Variants in WDR62 observed in about 807,000 individuals in gnomAD.
WDR62 encodes the protein WD repeat domain 62, also known as WD repeat-containing protein 62.
A neutral mutation model predicts 160.6 loss-of-function variants in WDR62; 112 were observed. That is an observed-to-expected ratio of 0.70 (90% CI 0.60 to 0.82). The LOEUF is 0.82. Ranked by LOEUF, WDR62 falls within the 40% of genes least tolerant of loss-of-function variation. The probability of loss-of-function intolerance (pLI) is 0.00; values close to 1 mark genes in which losing one functional copy is unlikely to be tolerated. For synonymous variants in WDR62, 792 were observed against 815.1 expected, an observed-to-expected ratio of 0.97 and a Z score of 0.48; for missense variants, 1,819 against 1,983.8, an observed-to-expected ratio of 0.92 and a Z score of 1.58.
At chr19:36,068,628 A>G (rs568854032) in intron 7 of WDR62, among the ~76,000 whole-genome samples, 1 of 152,328 alleles carries the variant, frequency 6.6e-6, no homozygotes, top group East Asian at 1.9e-4. Context: ...AATGCATTTA[A>G]CCCTGAATGG....
At chr19:36,072,255 G>A (rs1348504015) in intron 8 of WDR62, among the ~76,000 whole-genome samples, 1 of 152,238 alleles carries the variant, frequency 6.6e-6, no homozygotes, top group Non-Finnish European at 1.5e-5. Flanking sequence ...GGTGCCTGGT[G>A]AGAAGGAGCT....
intron 9 of WDR62, among the ~76,000 whole-genome samples, chr19:36,077,637 C>T (rs1326936809): frequency 4.0e-5 from 6 of 149,082 alleles, no homozygotes; most frequent in Admixed American, 1.4e-4. Context: ...CGCTTTGTCA[C>T]CCAGACTGGA....
Position 36,092,803 on chromosome 19 carries a change from C to T in WDR62, c.2325C>T (p.Gly775=), listed in dbSNP as rs1426379174. 6.2e-7 allele frequency: 1 copy of T among 1,613,860 alleles called. No individual in the cohort carries two copies. The highest frequency in any genetic ancestry group is 8.5e-7 in the Non-Finnish European group (1 of 1,179,952). Reference sequence around the variant, plus strand: ...ACACAAATGACAAGAAGCGGAGTGGCCACCCCAGGTCCTGGCAGCCCCTGC... The same window carrying T: ...ACACAAATGACAAGAAGCGGAGTGGTCACCCCAGGTCCTGGCAGCCCCTGC... ...QQHTNDKKRS[G]HPRQDTYVST... is the part of the protein sequence containing the mutation. The change falls in exon 19 of 32, where the codon GGC becomes GGT. Residue 775 remains glycine (G), a synonymous_variant. Transcript: ENST00000401500.
the WDR62 span, among the ~76,000 whole-genome samples, chr19:36,110,854 C>T: frequency 7.2e-5 from 11 of 152,072 alleles, no homozygotes; most frequent in African/African-American, 2.4e-4. Flanking sequence ...GCAAACAGAC[C>T]CTCAACCCCT....
chr19:36,095,789 G>A (rs574568673), intron 20 of WDR62, among the ~76,000 whole-genome samples: 14 of 152,334 alleles, frequency 9.2e-5, no homozygotes, highest in African/African-American at 2.9e-4. Flanking sequence ...GCAAGACTCC[G>A]TCTCAAAAAA....
intron 20 of WDR62, 114 bp from the exon 21 acceptor site, chr19:36,096,913 T>G: frequency 1.2e-5 from 11 of 922,958 alleles, no homozygotes; most frequent in East Asian, 2.6e-5. Context: ...CCGGTGCTGT[T>G]GAGCCTTCTG....
Position 36,091,244 on chromosome 19 carries a change from T to C in WDR62, c.2079T>C (p.Ser693=), listed in dbSNP as rs1376445557. ...PSGTFLATSC[S]DKSISVIDFY... ...GCACCTTCCTGGCCACCAGCTGCTC[T>C]GACAAAAGCATCTCAGTGATTGACT... is the stretch of plus-strand genomic sequence containing the variant. Residue 693 remains serine (S), a synonymous_variant, in exon 17 of 32, where the codon TCT becomes TCC. Transcript: ENST00000401500. 6.2e-7 allele frequency: 1 copy of C among 1,613,272 alleles called. No homozygotes were observed.
chr19:36,074,053 C>G, intron 9 of WDR62: 1 of 291,680 alleles, frequency 3.4e-6, no homozygotes, highest in African/African-American at 2.2e-5. Context: ...AATCCCAACA[C>G]TTTGGGAATC....
intron 18 of WDR62, 49 bp downstream of exon 18, chr19:36,091,514 T>A (rs772775890): frequency 6.4e-7 from 1 of 1,550,500 alleles, no homozygotes; most frequent in South Asian, 1.1e-5. Flanking sequence ...CCATGAGCAC[T>A]GCACTCAGCC....
At chr19:36,106,203 A>G (rs1240047016), downstream of WDR62, among the ~76,000 whole-genome samples, 5 of 152,008 alleles carry the variant, frequency 3.3e-5, no homozygotes, top group Admixed American at 6.6e-5. Flanking sequence ...GGTGTCTGCT[A>G]AAAAAGCCAC....
chr19:36,065,958 G>A lies in WDR62; in HGVS notation c.333G>A (p.Arg111=). ...GATCAGCTCTTTTCTTTATCCCCAG[G>A]AAGTCTCTCAGTGCTCTGGCCTTCT... is the stretch of plus-strand genomic sequence containing the variant. The part of the protein sequence containing the change: ...NKQQHIFNTA[R]KSLSALAFSP... The change falls in exon 4 of 32, where the codon AGG becomes AGA. Residue 111 remains arginine (R), a splice_region_variant and synonymous_variant. Transcript: ENST00000401500. The A allele has an allele frequency of 6.2e-7, 1 of 1,614,196 alleles. No homozygotes were observed. The highest frequency in any genetic ancestry group is 8.5e-7 in the Non-Finnish European group (1 of 1,180,036).
At chr19:36,055,369 G>T (rs956113613) in intron 1 of WDR62, among the ~76,000 whole-genome samples, 2 of 152,170 alleles carry the variant, frequency 1.3e-5, no homozygotes, top group African/African-American at 4.8e-5. Context: ...CAATTCGGGG[G>T]TTCCTCGCTG....
At chr19:36,076,740 CT>C (rs1231708511) in intron 9 of WDR62, among the ~76,000 whole-genome samples, 2 of 152,046 alleles carry the variant, frequency 1.3e-5, no homozygotes, top group Admixed American at 6.6e-5. Context: ...AACTCATTTG[CT>C]TTTTCCCACA....
In WDR62 at chr19:36,102,140, C is replaced by T. The variant is rs773422974; in HGVS notation, c.3209C>T (p.Ser1070Phe). The change falls in exon 26 of 32, where the codon TCC becomes TTC. Residue 1070 changes from serine to phenylalanine, a missense_variant. Transcript: ENST00000401500. ...CACCACTTTGAGACACTGACTGAGT[C>T]CCCCTGCAGAGGTAGGGCCCTGCCT... Reference protein sequence around the residue: ...LRHHFETLTESPCRELFPAAL... With the variant: ...LRHHFETLTEFPCRELFPAAL... 9 of 1,613,876 alleles carry T rather than the reference C, an allele frequency of 5.6e-6. No individual in the cohort carries two copies. The highest frequency in any genetic ancestry group is 2.2e-5 in the South Asian group (2 of 91,086).
At position 36,103,570 on chromosome 19, in the gene WDR62, C is replaced by G. The variant is rs1435115813; in HGVS notation, c.3742C>G (p.Pro1248Ala). ...CCCTATCGTGGCCACACTGGCCCAG[C>G]CCCTCCGTAGGCCATCGTCCGTTGG... is the stretch of plus-strand genomic sequence containing the variant. ...EGPIVATLAQ[P>A]LRRPSSVGEL... Residue 1248 changes from proline (P) to alanine (A), a missense_variant, in exon 30 of 32, where the codon CCC (proline) becomes GCC (alanine). This residue lies in a region of WDR62 where 770 missense variants were observed against 734.2 expected (regional missense o/e 1.05). Coordinates refer to ENST00000401500, the MANE Select transcript of WDR62 (RefSeq NM_001083961.2). The G allele has an allele frequency of 6.2e-7, 1 of 1,613,894 alleles. No homozygotes were observed. The highest frequency in any genetic ancestry group is 1.7e-5 in the Admixed American group (1 of 60,026).
chr19:36,091,442 C>A lies in WDR62; in HGVS notation c.2187C>A (p.His729Gln). The part of the protein sequence containing the change: ...TSMKFTYDCH[H>Q]LITVSGDSCV... ...TGAAGTTCACCTATGACTGTCATCA[C>A]TTGATCACAGTATCTGGAGACAGGT... The change falls in exon 18 of 32, where the codon CAC becomes CAA. Residue 729 changes from histidine to glutamine, a missense_variant. Transcript: ENST00000401500. 1 of 1,610,564 alleles carries A rather than the reference C, an allele frequency of 6.2e-7. No individual in the cohort carries two copies. The highest frequency in any genetic ancestry group is 8.5e-7 in the Non-Finnish European group (1 of 1,177,772).
chr19:36,067,815 T>A lies in WDR62; in HGVS notation c.700-13T>A. 6.2e-7 allele frequency: 1 copy of A among 1,613,688 alleles called. No individual in the cohort carries two copies. Among genetic ancestry groups the A allele is most frequent in the Non-Finnish European group, 8.5e-7 (1 of 1,180,002 alleles). On this transcript the variant is annotated splice_polypyrimidine_tract_variant and intron_variant, in intron 6 of 31. Transcript: ENST00000401500. ...TGTGGACAAGTATCTCACTACGCCC[T>A]CTGTGTCTCCAGGTGACGAGCACAG... is the stretch of plus-strand genomic sequence containing the variant.
rs1461236104 is a variant in WDR62 at position 36,086,688 on chromosome 19, G to A, written c.1644G>A (p.Gly548=). The change falls in exon 13 of 32, where the codon GGG becomes GGA. Residue 548 remains glycine, a splice_region_variant and synonymous_variant. Coordinates refer to ENST00000401500, the MANE Select transcript of WDR62 (RefSeq NM_001083961.2). ...LCLEYSKPET[G]LTLLASASRD... ...CAGTCTCATTCTCTCCTCTCACAGG[G>A]CTGACCTTGCTGGCCTCAGCCAGTC... The A allele has an allele frequency of 6.3e-7, 1 of 1,599,324 alleles. No individual in the cohort carries two copies.
intron 24 of WDR62, 51 bp from the exon 25 acceptor site, chr19:36,101,613 C>G: frequency 7.0e-7 from 1 of 1,428,296 alleles, no homozygotes; most frequent in Non-Finnish European, 9.7e-7. Context: ...CTGGCCCTGG[C>G]TCACCAGAAT....
Sources: gnomAD v4.1 joint callset for allele counts (sites outside exome capture counted in the v4.1 genomes callset) on GRCh38, gnomAD v4.1.1 for gene constraint, gnomAD v4.1.1 regional missense constraint, MANE v1.5 for transcripts, NCBI Gene and HGNC (gene_info 2026-07-23, HGNC 2026-07-21) for gene names.